Variants in GOLIM4 observed in about 807,000 individuals in gnomAD.
GOLIM4 encodes 130 kDa golgi-localized phosphoprotein.
Under a neutral mutation model 107.4 loss-of-function variants are expected in GOLIM4, and 71 were observed. That is an observed-to-expected ratio of 0.66 (90% CI 0.55 to 0.81). The LOEUF (loss-of-function observed/expected upper bound fraction) is 0.81, where lower values mean the gene tolerates loss of function less well. Among genes scored for constraint, GOLIM4 ranks in the 30% least tolerant of loss-of-function variants. The pLI is 0.00. For synonymous variants in GOLIM4, 327 were observed against 294.8 expected (o/e 1.11, Z -1.12); for missense variants, 830 against 826.1 (o/e 1.00, Z -0.06).
chr3:168,032,978 T>G, intron 8 of GOLIM4, 126 bp from the exon 9 acceptor site: 3 of 713,220 alleles, frequency 4.2e-6, no homozygotes, highest in East Asian at 5.1e-5. Context: ...ATATATATAG[T>G]CCTGGCTTTA....
At chr3:168,054,776 T>C (rs926066410) in intron 1 of GOLIM4, among the ~76,000 whole-genome samples, 1 of 152,170 alleles carries the variant, frequency 6.6e-6, no homozygotes, top group Admixed American at 6.5e-5. Context: ...CCCTGTGATA[T>C]GCTTTGGCTG....
chr3:168,089,401 T>C (rs1425391775), intron 1 of GOLIM4, among the ~76,000 whole-genome samples: 1 of 152,228 alleles, frequency 6.6e-6, no homozygotes, highest in Non-Finnish European at 1.5e-5. Context: ...CTGTTGTATA[T>C]GTTTCCTCAA....
At chr3:168,035,311 T>C (rs953301446) in intron 8 of GOLIM4, among the ~76,000 whole-genome samples, 4 of 152,238 alleles carry the variant, frequency 2.6e-5, no homozygotes, top group East Asian at 1.9e-4. Flanking sequence ...ACTGGGTATA[T>C]GCCCAGAGGA....
rs1458045194 is a variant in GOLIM4 at position 168,041,440 on chromosome 3, T to C, written c.552A>G (p.Gln184=). Residue 184 remains glutamine (Q), a synonymous_variant, in exon 6 of 16, where the codon CAA becomes CAG. Coordinates refer to ENST00000470487, the MANE Select transcript of GOLIM4 (RefSeq NM_014498.5). ...TVYNLREENR[Q]LRKAHQDIHT... is the part of the protein sequence containing the mutation. ...GTATGTCTTGGTGTGCTTTCCTTAGTTGTCTATTCTCTTCTCTCAAATTGT... is the reference window on the plus strand; with the variant it reads ...GTATGTCTTGGTGTGCTTTCCTTAGCTGTCTATTCTCTTCTCTCAAATTGT... The C allele has an allele frequency of 1.3e-6, 2 of 1,585,260 alleles. No homozygotes were observed. The highest frequency in any genetic ancestry group is 1.7e-5 in the Admixed American group (1 of 59,964).
At chr3:168,062,585 G>A (rs1456076306) in intron 1 of GOLIM4, among the ~76,000 whole-genome samples, 2 of 152,112 alleles carry the variant, frequency 1.3e-5, no homozygotes, top group African/African-American at 4.8e-5. Context: ...TGGGGCTAAT[G>A]TGTCTTCCTC....
Position 168,043,545 on chromosome 3 carries a change from C to A in GOLIM4, c.367-16G>T. The A allele has an allele frequency of 6.3e-7, 1 of 1,588,606 alleles. No homozygotes were observed. Reference sequence around the variant, plus strand: ...CGTGTTGGCTCTGCAAAGATGAAAACTTGAGTAGAAATATACATTCTCTGA... The same window carrying A: ...CGTGTTGGCTCTGCAAAGATGAAAAATTGAGTAGAAATATACATTCTCTGA... On this transcript the variant is annotated splice_polypyrimidine_tract_variant and intron_variant, in intron 4 of 15. Transcript: ENST00000470487.
At chr3:168,035,949 C>T (rs930603908) in intron 8 of GOLIM4, among the ~76,000 whole-genome samples, 1 of 151,892 alleles carries the variant, frequency 6.6e-6, no homozygotes, top group Middle Eastern at 3.4e-3. Flanking sequence ...TTATAAAGAA[C>T]AAGAATATAA....
chr3:168,060,519 C>T (rs1431021513), intron 1 of GOLIM4, among the ~76,000 whole-genome samples: 1 of 152,100 alleles, frequency 6.6e-6, no homozygotes, highest in Admixed American at 6.5e-5. Flanking sequence ...GAGTGATGTG[C>T]TCAGCCTGGA....
At chr3:168,081,053 C>G (rs1560108530) in intron 1 of GOLIM4, among the ~76,000 whole-genome samples, 1 of 152,178 alleles carries the variant, frequency 6.6e-6, no homozygotes, top group Non-Finnish European at 1.5e-5. Flanking sequence ...AAAGATGCTA[C>G]CAGGTAGCAG....
chr3:168,064,427 A>C (rs1220745403), intron 1 of GOLIM4, among the ~76,000 whole-genome samples: 4 of 152,210 alleles, frequency 2.6e-5, no homozygotes, highest in Non-Finnish European at 5.9e-5. Context: ...TGAAATTTAC[A>C]TAAGAAAAGT....
At chr3:168,076,551 C>T (rs1049469989) in intron 1 of GOLIM4, among the ~76,000 whole-genome samples, 12 of 152,094 alleles carry the variant, frequency 7.9e-5, no homozygotes, top group Non-Finnish European at 1.3e-4. Flanking sequence ...ATTAGCTGGG[C>T]GTCGTGGCGC....
At chr3:168,092,336 T>C (rs1406397267) in intron 1 of GOLIM4, among the ~76,000 whole-genome samples, 2 of 152,192 alleles carry the variant, frequency 1.3e-5, no homozygotes, top group African/African-American at 4.8e-5. Context: ...GATATTTTTA[T>C]AGTGGAAGGG....
chr3:168,069,264 A>G (rs1720719482), intron 1 of GOLIM4, among the ~76,000 whole-genome samples: 1 of 152,194 alleles, frequency 6.6e-6, no homozygotes, highest in African/African-American at 2.4e-5. Context: ...AATTTTTGGA[A>G]GAAAGCGAAA....
At chr3:168,043,768 T>C (rs758992686) in intron 4 of GOLIM4, among the ~76,000 whole-genome samples, 2 of 152,174 alleles carry the variant, frequency 1.3e-5, no homozygotes, top group Non-Finnish European at 2.9e-5. Context: ...TTTAAGAAGT[T>C]AGCATGAGAG....
chr3:168,038,947 T>TA (rs907871845), intron 7 of GOLIM4, among the ~76,000 whole-genome samples: 2 of 152,148 alleles, frequency 1.3e-5, no homozygotes, highest in African/African-American at 4.8e-5. Context: ...CTCTTTCTGC[T>TA]ATGTGAAGAT....
intron 2 of GOLIM4, among the ~76,000 whole-genome samples, chr3:168,047,873 C>T (rs578182101): frequency 3.9e-5 from 6 of 152,090 alleles, no homozygotes; most frequent in South Asian, 2.1e-4. Context: ...CAATTCATTA[C>T]GGTATAAATA....
intron 14 of GOLIM4, among the ~76,000 whole-genome samples, chr3:168,021,968 T>A (rs1717715535): frequency 6.6e-6 from 1 of 152,146 alleles, no homozygotes; most frequent in Admixed American, 6.5e-5. Flanking sequence ...CGATAAAACG[T>A]TTGGAATGTA....
intron 1 of GOLIM4, among the ~76,000 whole-genome samples, chr3:168,068,998 G>A (rs74862712): frequency 6.6e-6 from 1 of 151,780 alleles, no homozygotes; most frequent in Admixed American, 6.6e-5. Flanking sequence ...CACCATGTCC[G>A]ACTAATTTTT....
chr3:168,028,175 C>A (rs1301359069), intron 11 of GOLIM4, among the ~76,000 whole-genome samples: 1 of 152,156 alleles, frequency 6.6e-6, no homozygotes, highest in Non-Finnish European at 1.5e-5. Flanking sequence ...AAGAAATCAA[C>A]TAATGTTTGA....
Sources: gnomAD v4.1 joint callset for allele counts (sites outside exome capture counted in the v4.1 genomes callset) on GRCh38, gnomAD v4.1.1 for gene constraint, MANE v1.5 for transcripts, NCBI Gene and HGNC (gene_info 2026-07-23, HGNC 2026-07-21) for gene names.